GNL3L: variants seen among roughly 807,000 people sequenced by gnomAD.
The protein encoded by GNL3L is guanine nucleotide-binding protein-like 3-like protein.
GNL3L carries 4 observed loss-of-function variants against 42.9 expected under a neutral mutation model. The ratio of observed to expected loss-of-function variants is 0.09; its 90% CI spans 0.05 to 0.21. The LOEUF (loss-of-function observed/expected upper bound fraction) is 0.21, where lower values mean the gene tolerates loss of function less well. Ranked by LOEUF, GNL3L falls within the 10% of genes least tolerant of loss-of-function variation. GNL3L has a pLI of 1.00. For synonymous variants in GNL3L, 159 were observed against 176.3 expected (o/e 0.90, Z 0.78); for missense variants, 412 against 481.7 (o/e 0.86, Z 1.36).
At chrX:54,600,885 A>G (rs1925998549) in intron 16 of GNL3L, among the ~76,000 whole-genome samples, 1 of 112,195 alleles carries the variant, frequency 8.9e-6, no homozygotes, top group Admixed American at 9.4e-5. Flanking sequence ...ATATGTCCAG[A>G]CAATAATTTG....
At chrX:54,614,697 A>G (rs1333799128) in intron 16 of GNL3L, among the ~76,000 whole-genome samples, 2 of 111,237 alleles carry the variant, frequency 1.8e-5, no homozygotes, top group African/African-American at 6.5e-5. Flanking sequence ...AGCTTCTCCA[A>G]TGGGAGTGTG....
intron 14 of GNL3L, among the ~76,000 whole-genome samples, chrX:54,555,214 A>G (rs1403065931): frequency 9.2e-6 from 1 of 109,045 alleles, no homozygotes; most frequent in East Asian, 2.9e-4. Flanking sequence ...GGGTTTTGCT[A>G]TGTTGGCCAG....
chrX:54,586,553 G>A (rs762102040), intron 16 of GNL3L, among the ~76,000 whole-genome samples: 1 of 111,838 alleles, frequency 8.9e-6, no homozygotes, highest in African/African-American at 3.3e-5. Context: ...CTCCGTGGCT[G>A]CAAACTGCTG....
At chrX:54,607,072 CTCTTT>C in intron 16 of GNL3L, among the ~76,000 whole-genome samples, 1 of 22,831 alleles carries the variant, frequency 4.4e-5, no homozygotes, top group African/African-American at 1.6e-4. Context: ...TTCTTTCTTT[CTCTTT>C]CTTTCTTCTT....
the GNL3L span, among the ~76,000 whole-genome samples, chrX:54,634,581 C>T: frequency 1.5e-3 from 157 of 106,632 alleles, no homozygotes; most frequent in African/African-American, 5.2e-3. Context: ...TGGGTTCAAG[C>T]GAGTCTCCTG....
chrX:54,617,527 C>A (rs759695077), intron 16 of GNL3L, among the ~76,000 whole-genome samples: 1 of 111,943 alleles, frequency 8.9e-6, no homozygotes, highest in Non-Finnish European at 1.9e-5. Flanking sequence ...ATTTTCCCCC[C>A]GCTAGAAACT....
chrX:54,555,735 C>T lies in GNL3L; in HGVS notation c.1446+1043C>T, dbSNP rs1420101201. On this transcript the variant is annotated intron_variant, in intron 14 of 15. Coordinates refer to ENST00000360845, the MANE Select transcript of GNL3L (RefSeq NM_001184819.2). The stretch of plus-strand genomic sequence containing the variant: ...ACCTCAGGTGATCCACCTGCCTCGG[C>T]CTCCCAAAGTGCTGGGATTACAGGC... Among the ~76,000 whole-genome samples the T allele has an allele frequency of 3.9e-5, 4 of 102,121 alleles. No homozygotes were observed. In the East Asian group the frequency reaches 9.2e-4, roughly 24 times the overall value. The allele number at this position is 102,121 out of a possible 115,157, so 88.7% of individuals were successfully genotyped here.
rs1201865912 is a variant in GNL3L, at chrX:54,561,930, A to G, written c.*1328A>G. Among the ~76,000 whole-genome samples, 4 of 112,136 alleles carry G rather than the reference A, an allele frequency of 3.6e-5. No homozygotes were observed. The highest frequency in any genetic ancestry group is 9.4e-5 in the Admixed American group (1 of 10,625). ...GGATTAGGGTAGATGATTGCAACTG[A>G]AACACAATCTTCTTTCTTTGCCAGG... On this transcript the variant is annotated 3_prime_UTR_variant, in exon 16 of 16. Coordinates refer to ENST00000360845, the MANE Select transcript of GNL3L (RefSeq NM_001184819.2).
downstream of GNL3L, among the ~76,000 whole-genome samples, chrX:54,625,294 T>G (rs374413979): frequency 3.4e-3 from 320 of 93,828 alleles, no homozygotes; most frequent in African/African-American, 5.8e-3. Flanking sequence ...GTTTTGTTTT[T>G]TTTTTTTTTT....
At chrX:54,636,964 T>G in the GNL3L span, among the ~76,000 whole-genome samples, 1 of 112,407 alleles carries the variant, frequency 8.9e-6, no homozygotes, top group African/African-American at 3.2e-5. Flanking sequence ...CTTTCCACAG[T>G]GGCTGAACTA....
At chrX:54,546,271 CTCTTGGACA>C (rs1373977858) in intron 8 of GNL3L, among the ~76,000 whole-genome samples, 2 of 109,141 alleles carry the variant, frequency 1.8e-5, no homozygotes, top group Non-Finnish European at 3.8e-5. Flanking sequence ...TTTTTTTTTT[CTCTTGGACA>C]TCTTTCTATA....
rs1291800206 is a variant in GNL3L at position 54,558,531 on chromosome X, G to A, written c.1542G>A (p.Met514Ile). The A allele has an allele frequency of 2.5e-6, 3 of 1,205,940 alleles. No individual in the cohort carries two copies. Among genetic ancestry groups the A allele is most frequent in the African/African-American group, 3.5e-5 (2 of 56,988 alleles). The change falls in exon 15 of 16, where the codon ATG (methionine) becomes ATA (isoleucine). Residue 514 changes from methionine to isoleucine, a missense_variant. Coordinates refer to ENST00000360845, the MANE Select transcript of GNL3L (RefSeq NM_001184819.2). The part of the protein sequence containing the change: ...NVDHRPKSNS[M>I]VDVCSVDRRS... ...ACCACCGCCCTAAGAGCAACAGTATGGTGGATGTCTGCTCAGTGGACCGCC... is the reference window on the plus strand; with the variant it reads ...ACCACCGCCCTAAGAGCAACAGTATAGTGGATGTCTGCTCAGTGGACCGCC...
rs1225030499 is a variant in GNL3L, at chrX:54,540,305, G to A, written c.189+63G>A. The A allele has an allele frequency of 6.8e-6, 5 of 730,059 alleles. No individual in the cohort carries two copies. In the Admixed American group the frequency reaches 7.3e-5, roughly 11 times the overall value. The allele number at this position is 730,059 out of a possible 1,213,427, so 60.2% of individuals were successfully genotyped here. Reference sequence around the variant, plus strand: ...CCTTGAATGCCAGGTCCGCAGAAGTGTTGAATGGAAGGGCAAAGGCAAGAG... The same window carrying A: ...CCTTGAATGCCAGGTCCGCAGAAGTATTGAATGGAAGGGCAAAGGCAAGAG... On this transcript the variant is annotated intron_variant, in intron 4 of 15. Coordinates refer to ENST00000360845, the MANE Select transcript of GNL3L (RefSeq NM_001184819.2).
chrX:54,566,348 T>G lies in GNL3L; in HGVS notation c.*5746T>G, dbSNP rs1256501794. 8.9e-6 allele frequency among the ~76,000 whole-genome samples: 1 copy of G among 111,766 alleles called. No homozygotes were observed. Among genetic ancestry groups the G allele is most frequent in the African/African-American group, 3.3e-5 (1 of 30,674 alleles). On this transcript the variant is annotated 3_prime_UTR_variant, in exon 16 of 16. Coordinates refer to ENST00000360845, the MANE Select transcript of GNL3L (RefSeq NM_001184819.2). ...TATCCAGTCTTTCGTTGATAGACAT[T>G]TAGGTCGATTCCATGTCTTTGGTAT... is the stretch of plus-strand genomic sequence containing the variant.
chrX:54,616,668 C>G (rs1165399360), intron 16 of GNL3L, among the ~76,000 whole-genome samples: 1 of 111,728 alleles, frequency 9.0e-6, no homozygotes, highest in African/African-American at 3.3e-5. Flanking sequence ...TTGTAGACAG[C>G]CTTACACTGT....
intron 3 of GNL3L, among the ~76,000 whole-genome samples, chrX:54,539,932 G>A (rs928529141): frequency 5.4e-5 from 6 of 111,417 alleles, no homozygotes; most frequent in Non-Finnish European, 1.1e-4. Context: ...TCCTTTCTTT[G>A]TCCCCACAAC....
chrX:54,612,164 C>T (rs1334706337), intron 16 of GNL3L, among the ~76,000 whole-genome samples: 1 of 111,919 alleles, frequency 8.9e-6, no homozygotes, highest in African/African-American at 3.2e-5. Context: ...GGCCTTTTAC[C>T]ATTATATAAT....
rs1342256898 is a variant in GNL3L, at chrX:54,585,094, G to C, written c.*45+24447G>C. On this transcript the variant is annotated intron_variant, in intron 16 of 16. Coordinates refer to the GNL3L transcript ENST00000674498. Reference sequence around the variant, plus strand: ...CCACCGTGCCTGGCCTCCATTTTCAGCAACAATGCACAAGGGTTCTTTTTT... The same window carrying C: ...CCACCGTGCCTGGCCTCCATTTTCACCAACAATGCACAAGGGTTCTTTTTT... 3.6e-5 allele frequency among the ~76,000 whole-genome samples: 4 copies of C among 112,010 alleles called. No individual in the cohort carries two copies. In the East Asian group the frequency reaches 1.1e-3, roughly 31 times the overall value.
At chrX:54,554,272 C>T (rs1925021700) in intron 13 of GNL3L, among the ~76,000 whole-genome samples, 2 of 111,293 alleles carry the variant, frequency 1.8e-5, no homozygotes, top group African/African-American at 6.5e-5. Context: ...TGGGCCAGAG[C>T]ATTACAGACA....
Sources: gnomAD v4.1 joint callset for allele counts (sites outside exome capture counted in the v4.1 genomes callset) on GRCh38, gnomAD v4.1.1 for gene constraint, MANE v1.5 for transcripts, NCBI Gene and HGNC (gene_info 2026-07-23, HGNC 2026-07-21) for gene names.